UBE2R2: variants seen among roughly 807,000 people sequenced by gnomAD.
The protein encoded by UBE2R2 is ubiquitin conjugating enzyme E2 R2, also known as ubiquitin-conjugating enzyme E2 R2.
A neutral mutation model predicts 27.8 loss-of-function variants in UBE2R2; 1 was observed. The observed-to-expected ratio is 0.04, with a 90% confidence interval of 0.01 to 0.17. The LOEUF (loss-of-function observed/expected upper bound fraction) is 0.17, where lower values mean the gene tolerates loss of function less well. Ranked by LOEUF, UBE2R2 falls within the 10% of genes least tolerant of loss-of-function variation. UBE2R2 has a pLI of 1.00. For missense variants in UBE2R2, 100 were observed against 291.0 expected, an observed-to-expected ratio of 0.34 and a Z score of 4.78; for synonymous variants, 106 against 113.3, an observed-to-expected ratio of 0.94 and a Z score of 0.41.
intron 1 of UBE2R2, among the ~76,000 whole-genome samples, chr9:33,853,620 C>G (rs1021497215): frequency 5.3e-5 from 8 of 151,878 alleles, no homozygotes; most frequent in African/African-American, 1.9e-4. Context: ...CATATTCTTA[C>G]CATTTTCAAA....
intron 3 of UBE2R2, among the ~76,000 whole-genome samples, chr9:33,902,241 G>A (rs926172988): frequency 2.0e-5 from 3 of 151,990 alleles, no homozygotes; most frequent in Non-Finnish European, 4.4e-5. Flanking sequence ...GTAAAGATGG[G>A]GTCTCACCAT....
At chr9:33,909,441 T>A (rs995184823) in intron 3 of UBE2R2, among the ~76,000 whole-genome samples, 1 of 152,086 alleles carries the variant, frequency 6.6e-6, no homozygotes, top group African/African-American at 2.4e-5. Context: ...TGAGCCAAGA[T>A]CACACCATTG....
intron 3 of UBE2R2, among the ~76,000 whole-genome samples, chr9:33,909,610 G>A (rs544786537): frequency 7.2e-4 from 109 of 152,260 alleles, no homozygotes; most frequent in African/African-American, 2.5e-3. Context: ...GAGTAGAGAC[G>A]GGGTTTCACC....
rs752384822 is a variant in UBE2R2, at chr9:33,900,194, G to T, written c.285G>T (p.Ser95=). 5 of 1,612,658 alleles carry T rather than the reference G, an allele frequency of 3.1e-6. No individual in the cohort carries two copies. The South Asian group carries it at 5.5e-5, about 18-fold the overall frequency. Residue 95 remains serine, a synonymous_variant, in exon 3 of 5, where the codon TCG becomes TCT. Transcript: ENST00000263228. ...NIYENGDVCI[S]ILHPPVDDPQ... ...TGTAGAATGGAGATGTATGCATTTC[G>T]ATTCTTCATCCGCCTGTAGATGACC...
At chr9:33,869,718 G>T (rs1821443192) in intron 1 of UBE2R2, among the ~76,000 whole-genome samples, 1 of 152,118 alleles carries the variant, frequency 6.6e-6, no homozygotes. Flanking sequence ...CCAAAGTGCT[G>T]GGATTACAGG....
chr9:33,832,294 G>A (rs1245431724), intron 1 of UBE2R2, among the ~76,000 whole-genome samples: 1 of 140,076 alleles, frequency 7.1e-6, no homozygotes, highest in East Asian at 2.2e-4. Context: ...GGCAACAAGA[G>A]CGAAAATCTA....
At chr9:33,852,762 C>T (rs1028840614) in intron 1 of UBE2R2, among the ~76,000 whole-genome samples, 26 of 152,094 alleles carry the variant, frequency 1.7e-4, no homozygotes, top group Admixed American at 1.1e-3. Context: ...GGCTCAGGCA[C>T]TTTGGGAGGC....
At chr9:33,900,126 TACATCAC>T (rs1325303310) in intron 2 of UBE2R2, 41 bp from the exon 3 acceptor site, 1 of 1,459,132 alleles carries the variant, frequency 6.9e-7, no homozygotes, top group South Asian at 1.2e-5. Context: ...TCCCTTTTTG[TACATCAC>T]TTTTTGAGTA....
intron 1 of UBE2R2, among the ~76,000 whole-genome samples, chr9:33,878,544 G>A (rs1224495315): frequency 2.0e-5 from 3 of 152,116 alleles, no homozygotes; most frequent in African/African-American, 4.8e-5. Context: ...CTTGAATCTC[G>A]GAGATGGAGG....
chr9:33,899,585 G>A (rs1822200202), intron 2 of UBE2R2, among the ~76,000 whole-genome samples: 1 of 152,172 alleles, frequency 6.6e-6, no homozygotes, highest in Non-Finnish European at 1.5e-5. Flanking sequence ...ATGTTGTTCA[G>A]GCTGGTCTCG....
intron 1 of UBE2R2, among the ~76,000 whole-genome samples, chr9:33,825,295 G>A (rs1388316504): frequency 6.9e-6 from 1 of 145,306 alleles, no homozygotes; most frequent in African/African-American, 2.6e-5. Context: ...AAGCTGGAGT[G>A]CAGTGGTACA....
intron 1 of UBE2R2, among the ~76,000 whole-genome samples, chr9:33,828,078 G>A (rs1185336787): frequency 1.6e-4 from 23 of 147,402 alleles, no homozygotes; most frequent in African/African-American, 4.5e-4. Flanking sequence ...TGAGGCTGGC[G>A]GCTCACCTGA....
At chr9:33,816,984 A>C (rs546009982), upstream of UBE2R2, among the ~76,000 whole-genome samples, 4 of 143,210 alleles carry the variant, frequency 2.8e-5, no homozygotes, top group South Asian at 1.0e-3. Context: ...CGCGCGGGAG[A>C]CCGAGAGGAG....
intron 4 of UBE2R2, among the ~76,000 whole-genome samples, chr9:33,914,370 G>A (rs1489014897): frequency 6.6e-6 from 1 of 152,176 alleles, no homozygotes; most frequent in Non-Finnish European, 1.5e-5. Context: ...GATTACAAAT[G>A]CTTGAGTGTA....
intron 1 of UBE2R2, among the ~76,000 whole-genome samples, chr9:33,846,016 C>T (rs1296454775): frequency 2.0e-5 from 3 of 151,856 alleles, no homozygotes; most frequent in Non-Finnish European, 4.4e-5. Flanking sequence ...GTTCCAGCTA[C>T]TCGGGAGGCT....
At chr9:33,828,385 C>G (rs1587426446) in intron 1 of UBE2R2, among the ~76,000 whole-genome samples, 3 of 146,630 alleles carry the variant, frequency 2.0e-5, no homozygotes, top group Admixed American at 6.8e-5. Flanking sequence ...CAGTTTTTGT[C>G]TCTTAAAACT....
intron 1 of UBE2R2, among the ~76,000 whole-genome samples, chr9:33,838,210 G>A (rs1288957513): frequency 6.6e-6 from 1 of 150,410 alleles, no homozygotes; most frequent in Non-Finnish European, 1.5e-5. Flanking sequence ...CTGGAGTGCA[G>A]TGGCAGTCTA....
At chr9:33,864,999 C>G (rs909419730) in intron 1 of UBE2R2, among the ~76,000 whole-genome samples, 1 of 152,096 alleles carries the variant, frequency 6.6e-6, no homozygotes, top group Non-Finnish European at 1.5e-5. Context: ...GCTGGGATTA[C>G]AGGCGTGAGC....
Position 33,853,382 on chromosome 9 carries a change from C to T in UBE2R2, c.178-33499C>T, listed in dbSNP as rs1416054743. Among the ~76,000 whole-genome samples the T allele has an allele frequency of 2.7e-5, 4 of 149,742 alleles. No homozygotes were observed. The East Asian group carries it at 5.9e-4, about 22-fold the overall frequency. On this transcript the variant is annotated intron_variant, in intron 1 of 4. Transcript: ENST00000263228. ...TTGGCTAACTGCAACCTCTGCCTCC[C>T]GGGTTCAAGCAGTTCTGCCTCAGCC...
Sources: allele counts gnomAD v4.1 joint callset (sites outside exome capture counted in the v4.1 genomes callset), GRCh38; gene constraint gnomAD v4.1.1; transcripts MANE v1.5; gene names NCBI Gene and HGNC (gene_info 2026-07-23, HGNC 2026-07-21).